TSHZ2: variants seen among roughly 807,000 people sequenced by gnomAD.
TSHZ2 encodes the protein teashirt homolog 2.
A neutral mutation model predicts 74.4 loss-of-function variants in TSHZ2; 21 were observed. That is an observed-to-expected ratio of 0.28 (90% CI 0.20 to 0.41). The LOEUF (loss-of-function observed/expected upper bound fraction) is 0.41, where lower values mean the gene tolerates loss of function less well. Ranked by LOEUF, TSHZ2 falls within the 10% of genes least tolerant of loss-of-function variation. The probability of loss-of-function intolerance (pLI) is 1.00; values close to 1 mark genes in which losing one functional copy is unlikely to be tolerated. For synonymous variants in TSHZ2, 540 were observed against 515.3 expected, an observed-to-expected ratio of 1.05 and a Z score of -0.65; for missense variants, 1,244 against 1,293.5, an observed-to-expected ratio of 0.96 and a Z score of 0.59.
At chr20:53,329,482 G>A (rs1979630329) in intron 2 of TSHZ2, among the ~76,000 whole-genome samples, 1 of 152,154 alleles carries the variant, frequency 6.6e-6, no homozygotes, top group Admixed American at 6.5e-5. Flanking sequence ...GGAAAGCCCT[G>A]CTTTCTCTTT....
chr20:53,176,796 C>G (rs1410812381), intron 1 of TSHZ2, among the ~76,000 whole-genome samples: 1 of 151,776 alleles, frequency 6.6e-6, no homozygotes, highest in Non-Finnish European at 1.5e-5. Context: ...AAGCGATCCT[C>G]CTACCTCAGC....
At chr20:53,076,548 C>T (rs565828771) in intron 1 of TSHZ2, among the ~76,000 whole-genome samples, 42 of 152,222 alleles carry the variant, frequency 2.8e-4, no homozygotes, top group Admixed American at 2.2e-3. Context: ...TCCATACAAG[C>T]GATGCGGAGG....
intron 1 of TSHZ2, among the ~76,000 whole-genome samples, chr20:53,204,338 C>CATATAACATGATGATATACTATATCATA (rs1989104839): frequency 4.6e-5 from 6 of 130,962 alleles, no homozygotes; most frequent in African/African-American, 1.9e-4. Context: ...ACTATATCAT[C>CATATAACATGATGATATACTATATCATA]ATATAACATG....
rs138641074 is a variant in TSHZ2, at chr20:53,484,564, T to G, written c.*9-2580T>G. ...CCATGCCCAGCTAATTTTTGTGTTT[T>G]TAGTAGAGACAGAGTTTCGCCATGC... is the stretch of plus-strand genomic sequence containing the variant. On this transcript the variant is annotated intron_variant, in intron 2 of 2. Coordinates refer to ENST00000371497, the MANE Select transcript of TSHZ2 (RefSeq NM_173485.6). 2.8e-3 allele frequency among the ~76,000 whole-genome samples: 419 copies of G among 152,172 alleles called. 2 individuals carry two copies. The highest frequency in any genetic ancestry group is 3.9e-3 in the Non-Finnish European group (265 of 67,990).
chr20:53,122,558 A>T (rs920324911), intron 1 of TSHZ2, among the ~76,000 whole-genome samples: 1 of 152,030 alleles, frequency 6.6e-6, no homozygotes, highest in African/African-American at 2.4e-5. Flanking sequence ...TCTAGAAAGT[A>T]CTCCAGCCCA....
chr20:53,051,526 A>G (rs1042074038), intron 1 of TSHZ2, among the ~76,000 whole-genome samples: 3 of 150,440 alleles, frequency 2.0e-5, no homozygotes. Context: ...GAGCCCTGTA[A>G]GTATTCAAGC....
chr20:53,298,929 CTGTGAAGG>C (rs1482712564), intron 2 of TSHZ2, among the ~76,000 whole-genome samples: 1 of 152,164 alleles, frequency 6.6e-6, no homozygotes, highest in African/African-American at 2.4e-5. Flanking sequence ...TGAAGTGCCT[CTGTGAAGG>C]TGTGAGCCTC....
At chr20:53,399,222 T>G (rs1314350238) in intron 2 of TSHZ2, 1 of 152,218 alleles carries the variant, frequency 6.6e-6, no homozygotes, top group East Asian at 1.9e-4. Flanking sequence ...CACGATAATT[T>G]AAACTTGTTT....
intron 1 of TSHZ2, among the ~76,000 whole-genome samples, chr20:53,132,971 A>G (rs945091546): frequency 2.0e-5 from 3 of 151,968 alleles, no homozygotes; most frequent in Non-Finnish European, 2.9e-5. Flanking sequence ...TTCATGATGC[A>G]TATCTCTTTT....
At chr20:53,324,709 C>T (rs778454910) in intron 2 of TSHZ2, among the ~76,000 whole-genome samples, 1 of 152,202 alleles carries the variant, frequency 6.6e-6, no homozygotes, top group Non-Finnish European at 1.5e-5. Flanking sequence ...ACCTTGCTGA[C>T]CTCAGGAAGA....
chr20:53,320,116 G>A (rs747378247), intron 2 of TSHZ2, among the ~76,000 whole-genome samples: 16 of 152,156 alleles, frequency 1.1e-4, no homozygotes, highest in Non-Finnish European at 1.3e-4. Context: ...CATTATCATC[G>A]TTACGGTCAT....
At chr20:53,413,310 C>T (rs1983119394) in intron 2 of TSHZ2, among the ~76,000 whole-genome samples, 2 of 152,180 alleles carry the variant, frequency 1.3e-5, no homozygotes, top group Admixed American at 6.5e-5. Flanking sequence ...CAGATGTCTC[C>T]GCCAGTGGGC....
intron 2 of TSHZ2, among the ~76,000 whole-genome samples, chr20:53,308,056 G>T (rs1262654841): frequency 6.6e-6 from 1 of 152,180 alleles, no homozygotes; most frequent in Non-Finnish European, 1.5e-5. Flanking sequence ...CTTCTCCCAC[G>T]ACATAGTGAA....
rs770123690 is a variant in TSHZ2, at chr20:53,256,059, A to T, written c.2601A>T (p.Thr867=). The T allele has an allele frequency of 6.2e-7, 1 of 1,613,894 alleles. No individual in the cohort carries two copies. The highest frequency in any genetic ancestry group is 1.3e-5 in the African/African-American group (1 of 74,946). ...AGTTTGCCTCGAGCCTCTTCCAGAC[A>T]TCAGAGGGCAAATACCTGCTGTCTG... ...QAQFASSLFQ[T]SEGKYLLSDL... is the part of the protein sequence containing the mutation. The change falls in exon 2 of 3, where the codon ACA becomes ACT. Residue 867 remains threonine (T), a synonymous_variant. Transcript: ENST00000371497. This position sits in a 1 kb window ranked among gnomAD's most constrained non-coding sequence, Gnocchi z 4.3.
chr20:53,062,740 G>T (rs2123170813), intron 1 of TSHZ2, among the ~76,000 whole-genome samples: 1 of 152,306 alleles, frequency 6.6e-6, no homozygotes, highest in East Asian at 1.9e-4. Context: ...TGTGTGTTCA[G>T]TAGAGTAGAA....
chr20:53,478,031 G>T (rs7348289), intron 2 of TSHZ2, among the ~76,000 whole-genome samples: 5,364 of 121,342 alleles, frequency 0.044, 961 homozygotes, highest in African/African-American at 0.16. Flanking sequence ...GGAGAGGATG[G>T]GGAGAAATAG....
At chr20:53,297,710 C>A (rs556333173) in intron 2 of TSHZ2, among the ~76,000 whole-genome samples, 9 of 152,332 alleles carry the variant, frequency 5.9e-5, no homozygotes, top group African/African-American at 1.9e-4. Context: ...TTAAGCAAGA[C>A]TTAACTTGTC....
intron 2 of TSHZ2, among the ~76,000 whole-genome samples, chr20:53,344,118 A>G (rs1568877704): frequency 7.1e-6 from 1 of 141,062 alleles, no homozygotes; most frequent in Non-Finnish European, 1.6e-5. Context: ...TGCTGATGCA[A>G]TATTTTCAGA....
intron 1 of TSHZ2, among the ~76,000 whole-genome samples, chr20:53,017,364 T>G (rs1489967457): frequency 6.6e-6 from 1 of 152,206 alleles, no homozygotes; most frequent in Non-Finnish European, 1.5e-5. Context: ...TCTTTCTCCC[T>G]GAGGATCTCT....
Sources: allele counts gnomAD v4.1 joint callset (sites outside exome capture counted in the v4.1 genomes callset), GRCh38; gene constraint gnomAD v4.1.1; non-coding constraint Gnocchi (gnomAD v3.1); transcripts MANE v1.5; gene names NCBI Gene and HGNC (gene_info 2026-07-23, HGNC 2026-07-21).